The following CEP97 variants were observed in gnomAD, a reference collection of about 807,000 sequenced individuals.
The protein encoded by CEP97 is centrosomal protein of 97 kDa.
CEP97 carries 43 observed loss-of-function variants against 73.1 expected under a neutral mutation model. The ratio of observed to expected loss-of-function variants is 0.59; its 90% CI spans 0.46 to 0.76. The LOEUF is 0.76. Ranked by LOEUF, CEP97 falls within the 30% of genes least tolerant of loss-of-function variation. CEP97 has a pLI of 0.00. For synonymous variants in CEP97, 337 were observed against 370.0 expected (o/e 0.91, Z 1.02); for missense variants, 939 against 1,014.0 (o/e 0.93, Z 1.00).
At chr3:101,740,884 C>T (rs968511188) in intron 6 of CEP97, among the ~76,000 whole-genome samples, 4 of 152,160 alleles carry the variant, frequency 2.6e-5, no homozygotes, top group East Asian at 1.9e-4. Flanking sequence ...CCAGCGCACC[C>T]GGTCCCATTG....
intron 6 of CEP97, among the ~76,000 whole-genome samples, chr3:101,745,007 C>G (rs764540916): frequency 1.3e-5 from 2 of 152,190 alleles, no homozygotes; most frequent in Non-Finnish European, 2.9e-5. Flanking sequence ...TGAGCAGTAA[C>G]CAAACCTTGT....
chr3:101,758,481 A>G (rs777531592), intron 9 of CEP97, 58 bp downstream of exon 9: 4 of 1,583,000 alleles, frequency 2.5e-6, no homozygotes, highest in Non-Finnish European at 3.4e-6. Context: ...TTAGATTCTT[A>G]TAGTTGATTC....
chr3:101,738,112 A>C (rs907776007), intron 6 of CEP97, among the ~76,000 whole-genome samples: 1 of 152,140 alleles, frequency 6.6e-6, no homozygotes, highest in African/African-American at 2.4e-5. Context: ...AGGGCATTAC[A>C]TAATGGTAAA....
At chr3:101,741,066 C>G (rs1412666460) in intron 6 of CEP97, among the ~76,000 whole-genome samples, 1 of 152,122 alleles carries the variant, frequency 6.6e-6, no homozygotes, top group Non-Finnish European at 1.5e-5. Context: ...GTACTGGTAC[C>G]AAAACAGTTA....
At chr3:101,727,891 A>C (rs1937952805) in intron 3 of CEP97, among the ~76,000 whole-genome samples, 1 of 152,202 alleles carries the variant, frequency 6.6e-6, no homozygotes. Context: ...TCCTACTTGC[A>C]CTACTTAGTA....
Position 101,757,101 on chromosome 3 carries a change from A to T in CEP97, c.932A>T (p.Glu311Val). The T allele has an allele frequency of 6.2e-7, 1 of 1,612,724 alleles. No homozygotes were observed. The highest frequency in any genetic ancestry group is 8.5e-7 in the Non-Finnish European group (1 of 1,179,552). Residue 311 changes from glutamate (E) to valine (V), a missense_variant, in exon 8 of 11, where the codon GAA becomes GTA. Transcript: ENST00000341893. ...CAGTTGATGAACCAAAGCCAAAATG[A>T]AGAGTTGTCTCCTCTTGTTCCTGTT... is the stretch of plus-strand genomic sequence containing the variant. ...QRQLMNQSQNEELSPLVPVET... is the reference protein window; with the variant it reads ...QRQLMNQSQNVELSPLVPVET...
At position 101,727,509 on chromosome 3, in the gene CEP97, G is replaced by C. The variant is rs755150222; in HGVS notation, c.313G>C (p.Glu105Gln). ...AGGGCTAAAGGAACTAGTACATCTGGAATGGCTGAATTTGGCAGGAAATAA... is the reference window on the plus strand; with the variant it reads ...AGGGCTAAAGGAACTAGTACATCTGCAATGGCTGAATTTGGCAGGAAATAA... ...VEGLKELVHL[E>Q]WLNLAGNNLK... Residue 105 changes from glutamate (E) to glutamine (Q), a missense_variant, in exon 3 of 11, where the codon GAA becomes CAA. Glu to Gln is a conservative substitution (Grantham distance 29, BLOSUM62 2). Transcript: ENST00000341893. The C allele has an allele frequency of 1.2e-6, 2 of 1,611,574 alleles. No homozygotes were observed. Among genetic ancestry groups the C allele is most frequent in the Non-Finnish European group, 1.7e-6 (2 of 1,178,962 alleles).
At chr3:101,748,596 T>C (rs1472175052) in intron 6 of CEP97, among the ~76,000 whole-genome samples, 1 of 152,190 alleles carries the variant, frequency 6.6e-6, no homozygotes, top group Non-Finnish European at 1.5e-5. Flanking sequence ...TTCATGAAGA[T>C]TCTAAATGAT....
chr3:101,746,734 A>T (rs1576687974), intron 6 of CEP97, among the ~76,000 whole-genome samples: 1 of 152,378 alleles, frequency 6.6e-6, no homozygotes, highest in East Asian at 1.9e-4. Context: ...CATCAGAGTC[A>T]ACAGGCAACC....
intron 4 of CEP97, among the ~76,000 whole-genome samples, chr3:101,730,289 G>A (rs546610686): frequency 1.4e-4 from 21 of 147,870 alleles, no homozygotes; most frequent in Admixed American, 4.1e-4. Context: ...TTGTTGAGAC[G>A]GAGTTTTGCT....
intron 6 of CEP97, among the ~76,000 whole-genome samples, chr3:101,751,392 G>T (rs140609168): frequency 0.32 from 47,913 of 151,974 alleles, 7,764 homozygotes; most frequent in Non-Finnish European, 0.35. Context: ...ATATTCTTTT[G>T]ATTTGGGGTG....
At chr3:101,761,112 C>CT (rs980438044) in intron 9 of CEP97, among the ~76,000 whole-genome samples, 102 of 152,260 alleles carry the variant, frequency 6.7e-4, no homozygotes, top group African/African-American at 2.4e-3. Flanking sequence ...GGTGATCCTC[C>CT]TGCCTGGGCC....
intron 6 of CEP97, among the ~76,000 whole-genome samples, chr3:101,743,399 T>A (rs907677020): frequency 4.6e-5 from 7 of 151,870 alleles, no homozygotes; most frequent in African/African-American, 9.7e-5. Flanking sequence ...AGAAAAAATA[T>A]ATATATATTT....
intron 6 of CEP97, among the ~76,000 whole-genome samples, chr3:101,739,631 G>A (rs1938383930): frequency 6.6e-6 from 1 of 151,974 alleles, no homozygotes; most frequent in Non-Finnish European, 1.5e-5. Flanking sequence ...CCCCTGGCGG[G>A]GCGCAGTGGC....
At chr3:101,725,558 G>C (rs938548716) in intron 1 of CEP97, among the ~76,000 whole-genome samples, 4 of 152,148 alleles carry the variant, frequency 2.6e-5, no homozygotes, top group African/African-American at 9.7e-5. Context: ...CAAAGGCTGT[G>C]CACTTTTCTG....
intron 6 of CEP97, among the ~76,000 whole-genome samples, chr3:101,748,766 G>C (rs559400396): frequency 6.6e-6 from 1 of 151,978 alleles, no homozygotes; most frequent in East Asian, 1.9e-4. Context: ...TCAGTCTCCC[G>C]AGTAGCTGGG....
At chr3:101,729,066 G>T (rs956562489) in intron 4 of CEP97, 129 bp downstream of exon 4, 1 of 622,510 alleles carries the variant, frequency 1.6e-6, no homozygotes, top group African/African-American at 1.9e-5. Context: ...ATTATGGGCT[G>T]GGCATGGTGG....
In CEP97 at chr3:101,770,475, G is replaced by C. The variant is rs1346419863; in HGVS notation, c.*4924G>C. ...AAATGATTTAAAGTGGTTATGATGT[G>C]TTTTATGAAGGCTTACTATTTTATA... is the stretch of plus-strand genomic sequence containing the variant. On this transcript the variant is annotated 3_prime_UTR_variant, in exon 11 of 11. Coordinates refer to ENST00000341893, the MANE Select transcript of CEP97 (RefSeq NM_024548.4). The C allele has an allele frequency of 6.6e-6, 1 of 152,112 alleles. No homozygotes were observed. The highest frequency in any genetic ancestry group is 2.4e-5 in the African/African-American group (1 of 41,426). The allele number at this position is 152,112 out of a possible 1,614,324, so 9.4% of individuals were successfully genotyped here.
intron 10 of CEP97, chr3:101,763,090 C>T: frequency 8.3e-7 from 1 of 1,201,156 alleles, no homozygotes; most frequent in Non-Finnish European, 1.1e-6. Context: ...ATAAAATTTT[C>T]ATTTCTTCTT....
Sources: gnomAD v4.1 joint callset for allele counts (sites outside exome capture counted in the v4.1 genomes callset) on GRCh38, gnomAD v4.1.1 for gene constraint, MANE v1.5 for transcripts, NCBI Gene and HGNC (gene_info 2026-07-23, HGNC 2026-07-21) for gene names.